MEGF11: variants seen among roughly 807,000 people sequenced by gnomAD.
The protein encoded by MEGF11 is multiple EGF like domains 11, also known as multiple epidermal growth factor-like domains protein 11.
MEGF11 carries 126 observed loss-of-function variants against 146.6 expected under a neutral mutation model. That is an observed-to-expected ratio of 0.86 (90% CI 0.74 to 1.00). MEGF11 has a LOEUF of 1.00. Ranked by LOEUF, MEGF11 falls within the 50% of genes least tolerant of loss-of-function variation. MEGF11 has a pLI of 0.00. For synonymous variants in MEGF11, 532 were observed against 583.4 expected, an observed-to-expected ratio of 0.91 and a Z score of 1.27; for missense variants, 1,509 against 1,521.2, an observed-to-expected ratio of 0.99 and a Z score of 0.13.
chr15:65,965,587 TC>T (rs1567179962), intron 8 of MEGF11, among the ~76,000 whole-genome samples: 530 of 40,416 alleles, frequency 0.013, 23 homozygotes, highest in East Asian at 0.046. Flanking sequence ...TTTCTTTCTT[TC>T]TTTCTTTCTT....
intron 1 of MEGF11, among the ~76,000 whole-genome samples, chr15:66,159,767 G>C (rs1361091547): frequency 6.6e-6 from 1 of 152,100 alleles, no homozygotes; most frequent in African/African-American, 2.4e-5. Flanking sequence ...CTGAGGAGCT[G>C]GGAGAGAGCC....
intron 1 of MEGF11, among the ~76,000 whole-genome samples, chr15:66,193,576 C>T (rs115929442): frequency 0.013 from 1,937 of 152,168 alleles, 40 homozygotes; most frequent in African/African-American, 0.045. Flanking sequence ...TTTTTTCCCA[C>T]CAAACATAGA....
At chr15:65,918,739 C>T (rs1373562906) in intron 15 of MEGF11, among the ~76,000 whole-genome samples, 1 of 152,248 alleles carries the variant, frequency 6.6e-6, no homozygotes, top group Non-Finnish European at 1.5e-5. Flanking sequence ...GGATTTTGGT[C>T]ACAGACCTTC....
At chr15:66,104,884 G>GCCT in intron 4 of MEGF11, among the ~76,000 whole-genome samples, 1 of 152,162 alleles carries the variant, frequency 6.6e-6, no homozygotes, top group East Asian at 1.9e-4. Flanking sequence ...GGGTTCAGTG[G>GCCT]CCTCCTCCTC....
chr15:66,108,488 A>C (rs2087213305), intron 4 of MEGF11, among the ~76,000 whole-genome samples: 1 of 152,200 alleles, frequency 6.6e-6, no homozygotes, highest in South Asian at 2.1e-4. Context: ...AAAACAAAAC[A>C]AAACAAAACA....
At chr15:66,240,319 G>A (rs28690215) in intron 1 of MEGF11, among the ~76,000 whole-genome samples, 25,205 of 152,208 alleles carry the variant, frequency 0.17, 2,580 homozygotes, top group Middle Eastern at 0.3. Flanking sequence ...CACAGACAAG[G>A]GTGCTCCTGC....
intron 7 of MEGF11, among the ~76,000 whole-genome samples, chr15:65,977,442 T>A (rs1175275038): frequency 6.6e-6 from 1 of 150,790 alleles, no homozygotes; most frequent in African/African-American, 2.4e-5. Flanking sequence ...TGAGCATCTG[T>A]GATGCTAGGC....
In MEGF11 at chr15:66,163,871, C is replaced by A. The variant is rs1020072114; in HGVS notation, c.-8-35460G>T. On this transcript the variant is annotated intron_variant, in intron 1 of 25. Transcript: ENST00000395614. ...GCATGCACACGAGGCACAGATGCGT[C>A]ATATTCGAGAAGAGCTTGTGCCACC... Among the ~76,000 whole-genome samples, 8 of 152,336 alleles carry A rather than the reference C, an allele frequency of 5.3e-5. No individual in the cohort carries two copies. The East Asian group carries it at 1.3e-3, about 26-fold the overall frequency.
At chr15:65,947,647 T>A (rs1236626898) in intron 10 of MEGF11, among the ~76,000 whole-genome samples, 1 of 152,202 alleles carries the variant, frequency 6.6e-6, no homozygotes, top group African/African-American at 2.4e-5. Flanking sequence ...CTTCTCTGAT[T>A]TGTGGCCCTA....
intron 5 of MEGF11, among the ~76,000 whole-genome samples, chr15:65,992,450 T>TATAG (rs1555459370): frequency 7.9e-6 from 1 of 126,630 alleles, no homozygotes; most frequent in African/African-American, 3.1e-5. Flanking sequence ...TGTGTGTGTG[T>TATAG]GGGGGGGGGG....
At chr15:66,096,581 G>T (rs1361485443) in intron 4 of MEGF11, among the ~76,000 whole-genome samples, 1 of 152,190 alleles carries the variant, frequency 6.6e-6, no homozygotes, top group Non-Finnish European at 1.5e-5. Context: ...GGCTGGCGGT[G>T]GGGCCGTTCC....
At chr15:65,985,204 G>A (rs2081811952) in intron 5 of MEGF11, among the ~76,000 whole-genome samples, 1 of 152,194 alleles carries the variant, frequency 6.6e-6, no homozygotes, top group African/African-American at 2.4e-5. Context: ...AGAATACACG[G>A]TCAGAGAAGT....
chr15:65,992,453 G>GGC (rs1555459384), intron 5 of MEGF11, among the ~76,000 whole-genome samples: 1 of 142,990 alleles, frequency 7.0e-6, no homozygotes, highest in Admixed American at 6.9e-5. Flanking sequence ...GTGTGTGTGG[G>GGC]GGGGGGGGTT....
intron 1 of MEGF11, among the ~76,000 whole-genome samples, chr15:66,231,662 T>C (rs2091970447): frequency 6.6e-6 from 1 of 152,206 alleles, no homozygotes; most frequent in Admixed American, 6.5e-5. Context: ...CTGGACCCTT[T>C]TGTGCTCACA....
At chr15:66,018,971 T>TGCCCC (rs2082997929) in intron 5 of MEGF11, among the ~76,000 whole-genome samples, 1 of 152,222 alleles carries the variant, frequency 6.6e-6, no homozygotes, top group African/African-American at 2.4e-5. Context: ...TCATCTGCTC[T>TGCCCC]GCCCCCCAGA....
intron 17 of MEGF11, 23 bp downstream of exon 17, chr15:65,916,805 G>T: frequency 6.2e-7 from 1 of 1,610,396 alleles, no homozygotes; most frequent in Non-Finnish European, 8.5e-7. Flanking sequence ...TAAGTGGCTG[G>T]GAGGCCAGGA....
chr15:66,232,132 G>A (rs760921039), intron 1 of MEGF11, among the ~76,000 whole-genome samples: 2 of 152,210 alleles, frequency 1.3e-5, no homozygotes, highest in Non-Finnish European at 1.5e-5. Context: ...TCGGCAGGCA[G>A]CCTAGGCCAG....
intron 5 of MEGF11, among the ~76,000 whole-genome samples, chr15:65,985,882 C>G (rs1178055502): frequency 2.6e-5 from 4 of 151,708 alleles, no homozygotes; most frequent in Non-Finnish European, 4.4e-5. Context: ...AAGCCTGGCA[C>G]TCTGCTTTCT....
chr15:66,156,312 T>A (rs542571033), intron 1 of MEGF11, among the ~76,000 whole-genome samples: 1 of 152,124 alleles, frequency 6.6e-6, no homozygotes, highest in Admixed American at 6.5e-5. Context: ...TTGGTTCTAC[T>A]GTACTCCATG....
Sources: gnomAD v4.1 joint callset for allele counts (sites outside exome capture counted in the v4.1 genomes callset) on GRCh38, gnomAD v4.1.1 for gene constraint, MANE v1.5 for transcripts, NCBI Gene and HGNC (gene_info 2026-07-23, HGNC 2026-07-21) for gene names.